Variants in DSCAML1 observed in about 807,000 individuals in gnomAD.
The protein encoded by DSCAML1 is cell adhesion molecule DSCAML1.
DSCAML1 carries 38 observed loss-of-function variants against 200.5 expected under a neutral mutation model. The observed-to-expected ratio is 0.19, with a 90% CI of 0.15 to 0.25. The LOEUF (loss-of-function observed/expected upper bound fraction) is 0.25. DSCAML1 is among the 10% of genes least tolerant of loss of function. The probability of loss-of-function intolerance (pLI) is 1.00; values close to 1 mark genes in which losing one functional copy is unlikely to be tolerated. For missense variants in DSCAML1, 2,223 were observed against 2,858.8 expected, an observed-to-expected ratio of 0.78 and a Z score of 5.07; for synonymous variants, 1,215 against 1,165.0, an observed-to-expected ratio of 1.04 and a Z score of -0.87.
intron 8 of DSCAML1, among the ~76,000 whole-genome samples, chr11:117,513,105 A>ATGTT (rs1216053609): frequency 6.6e-6 from 1 of 152,078 alleles, no homozygotes; most frequent in Non-Finnish European, 1.5e-5. Flanking sequence ...TTAATATGTG[A>ATGTT]TGTTTACACT....
In DSCAML1 at chr11:117,503,604, T is replaced by C. The variant is rs1053156293; in HGVS notation, c.2359+241A>G. On this transcript the variant is annotated intron_variant, in intron 11 of 32. Coordinates refer to ENST00000651296, the MANE Select transcript of DSCAML1 (RefSeq NM_020693.4). This position sits in a 1 kb window ranked among gnomAD's most constrained non-coding sequence, Gnocchi z 5.2. ...CGTGATATTGCAGCAGAGCAAATCA[T>C]GAGCTTATTGTGACCAGGGTGGGGT... Among the ~76,000 whole-genome samples, 6 of 152,170 alleles carry C rather than the reference T, an allele frequency of 3.9e-5. No homozygotes were observed. The highest frequency in any genetic ancestry group is 2.1e-4 in the South Asian group (1 of 4,824).
In DSCAML1 at chr11:117,428,304, G is replaced by A. The variant is rs758285923; in HGVS notation, c.*24C>T. 2.2e-6 allele frequency: 3 copies of A among 1,333,812 alleles called. No individual in the cohort carries two copies. Among genetic ancestry groups the A allele is most frequent in the Admixed American group, 1.9e-5 (1 of 51,612 alleles). The allele number at this position is 1,333,812 out of a possible 1,614,324, so 82.6% of individuals were successfully genotyped here. On this transcript the variant is annotated 3_prime_UTR_variant, in exon 33 of 33. Coordinates refer to ENST00000651296, the MANE Select transcript of DSCAML1 (RefSeq NM_020693.4). ...GGGGCTGCGGCGCGGCGCGGTCCAG[G>A]CGTGGCTGCTCTTCCTGCGGGCCCT...
chr11:117,698,235 C>T (rs891465001), intron 3 of DSCAML1, among the ~76,000 whole-genome samples: 4 of 152,126 alleles, frequency 2.6e-5, no homozygotes, highest in Admixed American at 2.6e-4. Context: ...GTGTTCAATT[C>T]TTTTGGGAAT....
At chr11:117,748,944 G>A (rs2054558937) in intron 3 of DSCAML1, among the ~76,000 whole-genome samples, 1 of 152,224 alleles carries the variant, frequency 6.6e-6, no homozygotes, top group Non-Finnish European at 1.5e-5. Context: ...GCTCTCCAGT[G>A]CAGAGCTTGG....
At chr11:117,733,942 G>A (rs2054272760) in intron 3 of DSCAML1, among the ~76,000 whole-genome samples, 1 of 150,930 alleles carries the variant, frequency 6.6e-6, no homozygotes, top group African/African-American at 2.4e-5. Context: ...CCAATTGCAT[G>A]CATGAAAGCA....
intron 3 of DSCAML1, among the ~76,000 whole-genome samples, chr11:117,615,055 T>G (rs1466688159): frequency 6.6e-6 from 1 of 152,132 alleles, no homozygotes; most frequent in African/African-American, 2.4e-5. Flanking sequence ...GAATAGTCCA[T>G]CTTAGGCTGC....
intron 3 of DSCAML1, among the ~76,000 whole-genome samples, chr11:117,679,051 C>T (rs548888640): frequency 4.6e-5 from 7 of 152,376 alleles, no homozygotes; most frequent in Middle Eastern, 3.4e-3. Context: ...GGCCTCATTG[C>T]CTTCCGCTGA....
At chr11:117,674,215 G>T (rs999509835) in intron 3 of DSCAML1, among the ~76,000 whole-genome samples, 1 of 152,186 alleles carries the variant, frequency 6.6e-6, no homozygotes, top group Non-Finnish European at 1.5e-5. Flanking sequence ...CTGAGCCCTG[G>T]TGTGTGCCTG....
In DSCAML1 at chr11:117,489,952, C is replaced by G. The variant is rs952004818; in HGVS notation, c.2360-7790G>C. Among the ~76,000 whole-genome samples, 3 of 152,204 alleles carry G rather than the reference C, an allele frequency of 2.0e-5. No individual in the cohort carries two copies. Among genetic ancestry groups the G allele is most frequent in the African/African-American group, 7.2e-5 (3 of 41,452 alleles). On this transcript the variant is annotated intron_variant, in intron 11 of 32. Transcript: ENST00000651296. This position sits in a 1 kb window ranked among gnomAD's most constrained non-coding sequence, Gnocchi z 4.8. ...TCTTTGCCGTCCTCCTCCAGTGCCC[C>G]AGGGCAGCCTGCCCCAGTCCACACT...
At chr11:117,817,068 C>G (rs2134093771) in intron 1 of DSCAML1, among the ~76,000 whole-genome samples, 1 of 152,316 alleles carries the variant, frequency 6.6e-6, no homozygotes, top group South Asian at 2.1e-4. Flanking sequence ...GATGGTGGAC[C>G]CTTTAGCAAG....
chr11:117,754,459 T>A (rs2054652910), intron 3 of DSCAML1, among the ~76,000 whole-genome samples: 1 of 152,038 alleles, frequency 6.6e-6, no homozygotes, highest in Non-Finnish European at 1.5e-5. Flanking sequence ...GACTCAGGGC[T>A]CAGCTCGGGA....
intron 3 of DSCAML1, chr11:117,709,721 G>A (rs2053809289): frequency 2.2e-6 from 1 of 454,928 alleles, no homozygotes; most frequent in Non-Finnish European, 4.4e-6. Context: ...GCTTCATCAG[G>A]GGAAGCCAAT....
intron 30 of DSCAML1, 43 bp downstream of exon 30, chr11:117,432,308 AC>A (rs2047817316): frequency 1.9e-6 from 3 of 1,574,534 alleles, no homozygotes; most frequent in Non-Finnish European, 2.6e-6. Context: ...TGCCCAAGCC[AC>A]CCCGGTTGGG....
chr11:117,752,959 C>T (rs80183540), intron 3 of DSCAML1, among the ~76,000 whole-genome samples: 3,519 of 152,232 alleles, frequency 0.023, 60 homozygotes, highest in Middle Eastern at 0.058. Context: ...ATGGCTGTCC[C>T]AGGGGAGCTG....
Position 117,428,477 on chromosome 11 carries a change from C to T in DSCAML1, c.6013G>A (p.Ala2005Thr), listed in dbSNP as rs539270603. 3.3e-6 allele frequency: 5 copies of T among 1,529,446 alleles called. No homozygotes were observed. In the East Asian group the frequency reaches 9.1e-5, roughly 28 times the overall value. 94.7% of individuals were successfully genotyped at this position (1,529,446 alleles called of 1,614,324 possible). Residue 2005 changes from alanine (A) to threonine (T), a missense_variant, in exon 33 of 33, where the codon GCC becomes ACC. By Grantham distance (58) the Ala-to-Thr change is moderately conservative. Coordinates refer to ENST00000651296, the MANE Select transcript of DSCAML1 (RefSeq NM_020693.4). ...GCTCGTGGAGGCTCGGTGCTGGGGG[C>T]CGGAGGGGCAGCGCTGGGGGCGGTG... ...PPTAPSAAPPAPSTEPPRAGG... is the reference protein window; with the variant it reads ...PPTAPSAAPPTPSTEPPRAGG...
chr11:117,811,849 A>G (rs1488463365), intron 1 of DSCAML1, among the ~76,000 whole-genome samples: 1 of 151,996 alleles, frequency 6.6e-6, no homozygotes, highest in Non-Finnish European at 1.5e-5. Context: ...CTTAATCAAT[A>G]CGGAGGCTAC....
At chr11:117,739,214 C>G (rs931203269) in intron 3 of DSCAML1, among the ~76,000 whole-genome samples, 1 of 152,198 alleles carries the variant, frequency 6.6e-6, no homozygotes, top group East Asian at 1.9e-4. Flanking sequence ...GACTTGACTC[C>G]TGGTCTCCTG....
chr11:117,588,645 G>A (rs964082017), intron 3 of DSCAML1, among the ~76,000 whole-genome samples: 1 of 152,172 alleles, frequency 6.6e-6, no homozygotes, highest in Non-Finnish European at 1.5e-5. Context: ...GAGAGCTCTC[G>A]AGTGTGCTGT....
At chr11:117,546,812 GCA>G (rs2050380834) in intron 3 of DSCAML1, among the ~76,000 whole-genome samples, 2 of 152,112 alleles carry the variant, frequency 1.3e-5, no homozygotes, top group South Asian at 4.2e-4. Flanking sequence ...CCCAGGATTA[GCA>G]CACATCTCTC....
Sources: gnomAD v4.1 joint callset for allele counts (sites outside exome capture counted in the v4.1 genomes callset) on GRCh38, gnomAD v4.1.1 for gene constraint, Gnocchi (gnomAD v3.1) non-coding constraint, MANE v1.5 for transcripts, NCBI Gene and HGNC (gene_info 2026-07-23, HGNC 2026-07-21) for gene names.